The following GREB1L variants were observed in gnomAD, a reference collection of about 807,000 sequenced individuals.
GREB1L encodes GREB1-like protein.
GREB1L carries 17 observed loss-of-function variants against 200.8 expected under a neutral mutation model. The ratio of observed to expected loss-of-function variants is 0.08; its 90% confidence interval spans 0.06 to 0.13. The LOEUF (loss-of-function observed/expected upper bound fraction) is 0.13. GREB1L is among the 10% of genes least tolerant of loss of function. The probability of loss-of-function intolerance (pLI) is 1.00; values close to 1 mark genes in which losing one functional copy is unlikely to be tolerated. For synonymous variants in GREB1L, 789 were observed against 893.0 expected, an observed-to-expected ratio of 0.88 and a Z score of 2.08; for missense variants, 1,657 against 2,367.7, an observed-to-expected ratio of 0.70 and a Z score of 6.23.
intron 1 of GREB1L, among the ~76,000 whole-genome samples, chr18:21,257,622 G>A (rs1244714555): frequency 1.3e-5 from 2 of 152,170 alleles, no homozygotes; most frequent in Non-Finnish European, 2.9e-5. Context: ...TCTGCCTCCA[G>A]AGTAGGAACT....
At chr18:21,243,834 T>TTGAAAAGTA (rs1555621375) in intron 1 of GREB1L, among the ~76,000 whole-genome samples, 13 of 151,696 alleles carry the variant, frequency 8.6e-5, no homozygotes, top group African/African-American at 3.1e-4. Context: ...AATGAATGAA[T>TTGAAAAGTA]ATATAAGTAG....
At chr18:21,457,788 G>T (rs545048781) in intron 15 of GREB1L, among the ~76,000 whole-genome samples, 6 of 152,062 alleles carry the variant, frequency 3.9e-5, no homozygotes, top group Non-Finnish European at 8.8e-5. Flanking sequence ...AAATTGCTCC[G>T]GGTAGAATAA....
intron 4 of GREB1L, among the ~76,000 whole-genome samples, chr18:21,387,800 T>C (rs774234557): frequency 5.9e-5 from 9 of 152,226 alleles, no homozygotes; most frequent in African/African-American, 1.2e-4. Context: ...GGATCCTATG[T>C]CTTGAGATAG....
rs1382427602 is a variant in GREB1L, at chr18:21,513,743, TATAGCTGCCTGTGG to T, written c.4736-77_4736-64del. The T allele has an allele frequency of 3.0e-6, 4 of 1,342,866 alleles. No homozygotes were observed. In the African/African-American group the frequency reaches 5.8e-5, roughly 19 times the overall value. 83.2% of individuals were successfully genotyped at this position (1,342,866 alleles called of 1,614,324 possible). ...GTGAACAGGCATTCTGTGGAGAGAA[TATAGCTGCCTGTGG>T]GGCTTCAGCCAAGCCTGAGTGAAGG... On this transcript the variant is annotated intron_variant, in intron 27 of 32. Transcript: ENST00000424526.
intron 1 of GREB1L, among the ~76,000 whole-genome samples, chr18:21,335,691 T>A (rs1182035030): frequency 7.3e-5 from 11 of 149,882 alleles, no homozygotes; most frequent in African/African-American, 2.7e-4. Flanking sequence ...CGAGACAGAG[T>A]CTTGCTCTGT....
At chr18:21,325,495 A>AT (rs374128072) in intron 1 of GREB1L, among the ~76,000 whole-genome samples, 10 of 151,804 alleles carry the variant, frequency 6.6e-5, no homozygotes, top group East Asian at 1.9e-4. Flanking sequence ...ACAGGTATAT[A>AT]TTTTTTTTAT....
intron 7 of GREB1L, among the ~76,000 whole-genome samples, chr18:21,433,625 C>T (rs2033321921): frequency 6.6e-6 from 1 of 152,196 alleles, no homozygotes; most frequent in Non-Finnish European, 1.5e-5. Flanking sequence ...AAGTCAGGCC[C>T]TTAGAGAAGC....
intron 7 of GREB1L, among the ~76,000 whole-genome samples, chr18:21,404,964 G>A (rs1389810616): frequency 6.6e-6 from 1 of 152,188 alleles, no homozygotes; most frequent in Non-Finnish European, 1.5e-5. Context: ...AAATTCTGAT[G>A]AGCTGGTCAA....
At chr18:21,284,436 G>A (rs2038321308) in intron 1 of GREB1L, among the ~76,000 whole-genome samples, 1 of 152,108 alleles carries the variant, frequency 6.6e-6, no homozygotes, top group South Asian at 2.1e-4. Flanking sequence ...ATAATTGGGG[G>A]GGCTTTTGTG....
At chr18:21,341,382 T>C (rs1199640758) in intron 1 of GREB1L, among the ~76,000 whole-genome samples, 1 of 152,078 alleles carries the variant, frequency 6.6e-6, no homozygotes, top group Non-Finnish European at 1.5e-5. Flanking sequence ...TCTTGAAATA[T>C]GACTCAGCCA....
chr18:21,461,155 CCTAA>C (rs2035030564), intron 15 of GREB1L, among the ~76,000 whole-genome samples: 1 of 151,670 alleles, frequency 6.6e-6, no homozygotes, highest in South Asian at 2.1e-4. Context: ...AATCTAGAAA[CCTAA>C]CTGTGTATAC....
chr18:21,329,793 A>C (rs1408314048), intron 1 of GREB1L, among the ~76,000 whole-genome samples: 1 of 152,024 alleles, frequency 6.6e-6, no homozygotes, highest in Non-Finnish European at 1.5e-5. Context: ...CTGAGGGAAC[A>C]CTTTAGAGTT....
At chr18:21,447,055 T>C (rs1266606928) in intron 11 of GREB1L, among the ~76,000 whole-genome samples, 1 of 152,154 alleles carries the variant, frequency 6.6e-6, no homozygotes, top group Admixed American at 6.5e-5. Flanking sequence ...AGATCAGCAC[T>C]TGAAGGAAAA....
At chr18:21,451,980 A>G in intron 13 of GREB1L, 103 bp from the exon 14 acceptor site, 2 of 1,079,026 alleles carry the variant, frequency 1.9e-6, no homozygotes, top group Non-Finnish European at 2.7e-6. Context: ...CTGGCTGACC[A>G]ACAAATCTAC....
chr18:21,369,005 G>A (rs1314557842), intron 2 of GREB1L, among the ~76,000 whole-genome samples: 1 of 152,186 alleles, frequency 6.6e-6, no homozygotes, highest in African/African-American at 2.4e-5. Flanking sequence ...AGAGAAATCA[G>A]TTGAGTGTTA....
Position 21,401,017 on chromosome 18 carries a change from T to C in GREB1L, c.533-133T>C, listed in dbSNP as rs1223605064. Reference sequence around the variant, plus strand: ...TAAAGAAACATGTACCTGGTTTTTTTCCCTCTGAATTATTTCCTTGAGATT... The same window carrying C: ...TAAAGAAACATGTACCTGGTTTTTTCCCCTCTGAATTATTTCCTTGAGATT... On this transcript the variant is annotated intron_variant, in intron 5 of 32. Transcript: ENST00000424526. 10 of 690,160 alleles carry C rather than the reference T, an allele frequency of 1.4e-5. No individual in the cohort carries two copies. The South Asian group carries it at 1.6e-4, about 11-fold the overall frequency. 42.8% of individuals were successfully genotyped at this position (690,160 alleles called of 1,614,324 possible).
Position 21,490,282 on chromosome 18 carries a change from G to C in GREB1L, c.2961G>C (p.Arg987=). Reference sequence around the variant, plus strand: ...GCGACAAACTGGGTCTGCAGTATCGGTTTGAGATCATCCTTGGGAACCCGG... The same window carrying C: ...GCGACAAACTGGGTCTGCAGTATCGCTTTGAGATCATCCTTGGGAACCCGG... ...EVRDKLGLQY[R]FEIILGNPAT... The change falls in exon 19 of 33, where the codon CGG becomes CGC. Residue 987 remains arginine, a synonymous_variant. Coordinates refer to ENST00000424526, the MANE Select transcript of GREB1L (RefSeq NM_001142966.3). 6.4e-7 allele frequency: 1 copy of C among 1,551,888 alleles called. No individual in the cohort carries two copies. The highest frequency in any genetic ancestry group is 1.2e-5 in the South Asian group (1 of 84,064).
rs2041021338 is a variant in GREB1L, at chr18:21,395,580, TA to T, written c.532+23del. The T allele has an allele frequency of 6.6e-7, 1 of 1,512,972 alleles. No individual in the cohort carries two copies. The allele number at this position is 1,512,972 out of a possible 1,614,324, so 93.7% of individuals were successfully genotyped here. A position where few individuals can be genotyped will look rare whatever the true frequency, so the allele number is the denominator to read the frequency against. On this transcript the variant is annotated intron_variant, in intron 5 of 32. Coordinates refer to ENST00000424526, the MANE Select transcript of GREB1L (RefSeq NM_001142966.3). ...CTTTTAGGTGAGTGTTTCATGCTTA[TA>T]AAATTCCTTCCAATATGAGGGAGTT...
intron 1 of GREB1L, among the ~76,000 whole-genome samples, chr18:21,311,689 C>A (rs942528519): frequency 6.6e-6 from 1 of 151,920 alleles, no homozygotes; most frequent in African/African-American, 2.4e-5. Context: ...TGGGTTGGTG[C>A]AATCGAATAT....
Sources: gnomAD v4.1 joint callset for allele counts (sites outside exome capture counted in the v4.1 genomes callset) on GRCh38, gnomAD v4.1.1 for gene constraint, MANE v1.5 for transcripts, NCBI Gene and HGNC (gene_info 2026-07-23, HGNC 2026-07-21) for gene names.